The following TIPARP variants were observed in gnomAD, a reference collection of about 807,000 sequenced individuals.
TIPARP encodes protein mono-ADP-ribosyltransferase TIPARP.
Under a neutral mutation model 56.5 loss-of-function variants are expected in TIPARP, and 12 were observed. The observed-to-expected ratio is 0.21, with a 90% CI of 0.14 to 0.34. The LOEUF is 0.34. Among genes scored for constraint, TIPARP ranks in the 10% least tolerant of loss-of-function variants. TIPARP has a pLI of 1.00. For synonymous variants in TIPARP, 296 were observed against 265.7 expected (o/e 1.11, Z -1.11); for missense variants, 604 against 781.6 (o/e 0.77, Z 2.71).
chr3:156,700,908 A>C lies in TIPARP; in HGVS notation c.1248-2516A>C, dbSNP rs569686317. ...TTCCCTTTGACTCCCTCTCTAGAGAAGGCTGGTGTCCGTCTGTGAAACATG... is the reference window on the plus strand; with the variant it reads ...TTCCCTTTGACTCCCTCTCTAGAGACGGCTGGTGTCCGTCTGTGAAACATG... On this transcript the variant is annotated intron_variant, in intron 4 of 5. Coordinates refer to ENST00000295924, the MANE Select transcript of TIPARP (RefSeq NM_015508.5). Among the ~76,000 whole-genome samples the C allele has an allele frequency of 7.8e-4, 119 of 152,362 alleles. 1 individual carries two copies. Among genetic ancestry groups the C allele is most frequent in the Non-Finnish European group, 2.8e-4 (19 of 68,032 alleles).
intron 4 of TIPARP, among the ~76,000 whole-genome samples, chr3:156,698,723 C>T (rs1237250421): frequency 1.3e-5 from 2 of 152,184 alleles, no homozygotes; most frequent in Non-Finnish European, 2.9e-5. Flanking sequence ...CATTCTGCAG[C>T]CCACTTATCA....
chr3:156,704,532 G>C lies in TIPARP; in HGVS notation c.1527-152G>C, dbSNP rs919657457. Reference sequence around the variant, plus strand: ...GAAAAGGCCTTTTCTACAGTGGAAAGATAAGTTTCAACTTTTAATAGGATC... The same window carrying C: ...GAAAAGGCCTTTTCTACAGTGGAAACATAAGTTTCAACTTTTAATAGGATC... On this transcript the variant is annotated intron_variant, in intron 5 of 5. Coordinates refer to ENST00000295924, the MANE Select transcript of TIPARP (RefSeq NM_015508.5). 1.1e-5 allele frequency: 8 copies of C among 717,502 alleles called. No homozygotes were observed. In the African/African-American group the frequency reaches 1.4e-4, roughly 13 times the overall value. 44.4% of individuals were successfully genotyped at this position (717,502 alleles called of 1,614,324 possible).
intron 2 of TIPARP, among the ~76,000 whole-genome samples, chr3:156,683,970 A>G (rs1344661544): frequency 6.6e-6 from 1 of 152,198 alleles, no homozygotes; most frequent in Non-Finnish European, 1.5e-5. Flanking sequence ...TTAGGACCTT[A>G]AGTCCTCTTA....
chr3:156,695,826 C>CTTTTTTTTTTTTT lies in TIPARP; in HGVS notation c.1087-34_1087-22dup, dbSNP rs10631452. 254 of 1,031,182 alleles carry CTTTTTTTTTTTTT rather than the reference C, an allele frequency of 2.5e-4. 16 individuals are homozygous for CTTTTTTTTTTTTT. The highest frequency in any genetic ancestry group is 1.8e-3 in the South Asian group (58 of 32,824). 63.9% of individuals were successfully genotyped at this position (1,031,182 alleles called of 1,614,324 possible). On this transcript the variant is annotated intron_variant, in intron 3 of 5. Transcript: ENST00000295924. ...TTTTTAACCATGATTATTAACTTTC[C>CTTTTTTTTTTTTT]TTTTTTTTTTTTTTTTTGTTCTGTT... is the stretch of plus-strand genomic sequence containing the variant.
intron 4 of TIPARP, among the ~76,000 whole-genome samples, chr3:156,702,070 TGGTTGTGGTG>T: frequency 8.7e-6 from 1 of 114,768 alleles, no homozygotes; most frequent in Non-Finnish European, 1.9e-5. Flanking sequence ...GTGGTGGTGG[TGGTTGTGGTG>T]GTGGTGGTGG....
At position 156,705,899 on chromosome 3, in the gene TIPARP, G is replaced by GA. The variant is rs1722968572; in HGVS notation, c.*770dup. 3 of 152,736 alleles carry GA rather than the reference G, an allele frequency of 2.0e-5. No homozygotes were observed. In the South Asian group the frequency reaches 6.2e-4, roughly 32 times the overall value. 9.5% of individuals were successfully genotyped at this position (152,736 alleles called of 1,614,324 possible). On this transcript the variant is annotated 3_prime_UTR_variant, in exon 6 of 6. Coordinates refer to ENST00000295924, the MANE Select transcript of TIPARP (RefSeq NM_015508.5). ...CTTTCATTATCATCCATTCCAATTT[G>GA]AAGGAGTTGGGCAGCTAATTTGGTT...
chr3:156,695,724 A>AT, intron 3 of TIPARP, 141 bp from the exon 4 acceptor site: 1 of 1,193,170 alleles, frequency 8.4e-7, no homozygotes. Flanking sequence ...ATCTTAGCAT[A>AT]TAAAGGGAGT....
In TIPARP at chr3:156,694,037, C is replaced by T; in HGVS notation, c.935C>T (p.Ala312Val). 1.3e-6 allele frequency: 2 copies of T among 1,589,362 alleles called. No homozygotes were observed. The highest frequency in any genetic ancestry group is 1.7e-6 in the Non-Finnish European group (2 of 1,172,300). The change falls in exon 3 of 6, where the codon GCA (alanine) becomes GTA (valine). Residue 312 changes from alanine (A) to valine (V), a missense_variant. By Grantham distance (64) the Ala-to-Val change is moderately conservative (BLOSUM62 0). Transcript: ENST00000295924. ...TTTTTTAGAGGACAAGAATTTTGGG[C>T]AGATTTGAATGCCATGAACGTGTAT... The part of the protein sequence containing the change: ...RMKYGGQEFW[A>V]DLNAMNVYET...
rs1722902176 is a variant in TIPARP, at chr3:156,703,498, A to T, written c.1322A>T (p.Asp441Val). The change falls in exon 5 of 6, where the codon GAT becomes GTT. Residue 441 changes from aspartate (D) to valine (V), a missense_variant. This residue lies in a region of TIPARP where 252 missense variants were observed against 303.9 expected (regional missense o/e 0.83). Transcript: ENST00000295924. ...ATSSSQIICPDGVTSANFYPE... is the reference protein window; with the variant it reads ...ATSSSQIICPVGVTSANFYPE... ...TCATCATCACAAATTATCTGCCCAG[A>T]TGGGGTCACTTCAGCAAACTTTTAC... is the stretch of plus-strand genomic sequence containing the variant. 1 of 1,614,080 alleles carries T rather than the reference A, an allele frequency of 6.2e-7. No homozygotes were observed. The highest frequency in any genetic ancestry group is 8.5e-7 in the Non-Finnish European group (1 of 1,180,038).
At chr3:156,681,982 A>G (rs1722320059) in intron 2 of TIPARP, among the ~76,000 whole-genome samples, 1 of 152,186 alleles carries the variant, frequency 6.6e-6, no homozygotes, top group Admixed American at 6.5e-5. Flanking sequence ...TCCTTAGTAG[A>G]CGATGACATT....
intron 2 of TIPARP, among the ~76,000 whole-genome samples, chr3:156,692,626 A>G (rs1048636416): frequency 5.9e-5 from 9 of 152,112 alleles, no homozygotes; most frequent in Non-Finnish European, 8.8e-5. Context: ...TGTAAGTTCC[A>G]TACTTTTTGG....
chr3:156,699,829 C>T (rs554221018), intron 4 of TIPARP, among the ~76,000 whole-genome samples: 1 of 152,122 alleles, frequency 6.6e-6, no homozygotes, highest in South Asian at 2.1e-4. Flanking sequence ...AAGAGATCAG[C>T]AAATCAAAGA....
At position 156,678,447 on chromosome 3, in the gene TIPARP, T is replaced by G. The variant is rs1302487512; in HGVS notation, c.750T>G (p.Thr250=). Residue 250 remains threonine, a synonymous_variant, in exon 2 of 6, where the codon ACT becomes ACG. Transcript: ENST00000295924. Reference sequence around the variant, plus strand: ...TTTGCATGGACTTTCTGCAAGGCACTTGTATTTATGGCAGGGATTGTTTGA... The same window carrying G: ...TTTGCATGGACTTTCTGCAAGGCACGTGTATTTATGGCAGGGATTGTTTGA... ...IEICMDFLQG[T]CIYGRDCLKH... is the part of the protein sequence containing the mutation. The G allele has an allele frequency of 1.2e-6, 2 of 1,614,196 alleles. No homozygotes were observed. Among genetic ancestry groups the G allele is most frequent in the African/African-American group, 1.3e-5 (1 of 75,054 alleles).
chr3:156,677,422 A>G (rs911695430), intron 1 of TIPARP, among the ~76,000 whole-genome samples: 1 of 152,208 alleles, frequency 6.6e-6, no homozygotes, highest in Admixed American at 6.5e-5. Flanking sequence ...ATGCATGCCA[A>G]TGGCCTGTTG....
intron 1 of TIPARP, chr3:156,675,865 TGAG>T (rs1722111608): frequency 6.6e-6 from 1 of 152,226 alleles, no homozygotes; most frequent in Non-Finnish European, 1.5e-5. Context: ...GAAAACTAAT[TGAG>T]GAGCTAGGTT....
intron 1 of TIPARP, chr3:156,675,678 C>A (rs1161891865): frequency 6.6e-6 from 1 of 152,272 alleles, no homozygotes; most frequent in Non-Finnish European, 1.5e-5. Context: ...CCGGGCTCGG[C>A]GCCGGGGTGT....
intron 1 of TIPARP, 56 bp from the exon 2 acceptor site, chr3:156,677,601 A>T: frequency 8.3e-7 from 1 of 1,199,268 alleles, no homozygotes; most frequent in Non-Finnish European, 1.2e-6. Context: ...TAATGAATGA[A>T]TGAAATCCAG....
intron 2 of TIPARP, among the ~76,000 whole-genome samples, chr3:156,690,720 C>T (rs531555294): frequency 3.9e-5 from 6 of 152,086 alleles, no homozygotes; most frequent in African/African-American, 7.2e-5. Context: ...TGGATTTAGC[C>T]ATCTGATACA....
intron 1 of TIPARP, chr3:156,675,570 G>C (rs1311998783): frequency 6.6e-6 from 1 of 152,488 alleles, no homozygotes; most frequent in Non-Finnish European, 1.5e-5. Context: ...CGGAATTGCA[G>C]AGCCGGGCGG....
Sources: allele counts gnomAD v4.1 joint callset (sites outside exome capture counted in the v4.1 genomes callset), GRCh38; gene constraint gnomAD v4.1.1; regional missense constraint gnomAD v4.1.1; transcripts MANE v1.5; gene names NCBI Gene and HGNC (gene_info 2026-07-23, HGNC 2026-07-21).